HIVEP3: variants seen among roughly 807,000 people sequenced by gnomAD.
The protein encoded by HIVEP3 is transcription factor HIVEP3.
In HIVEP3, 49 loss-of-function variants were observed where a neutral mutation model predicts 152.8. The observed-to-expected ratio is 0.32, with a 90% CI of 0.26 to 0.41. The LOEUF is 0.41. Among genes scored for constraint, HIVEP3 ranks in the 10% least tolerant of loss-of-function variants. HIVEP3 has a pLI of 1.00. For missense variants in HIVEP3, 2,790 were observed against 3,103.3 expected (o/e 0.90, Z 2.40); for synonymous variants, 1,269 against 1,289.0 (o/e 0.98, Z 0.33).
intron 1 of HIVEP3, among the ~76,000 whole-genome samples, chr1:41,769,964 G>T (rs913080078): frequency 6.6e-5 from 10 of 152,076 alleles, no homozygotes; most frequent in African/African-American, 2.4e-4. Context: ...ATTGTTTTTT[G>T]TTTGTTTGTT....
intron 1 of HIVEP3, among the ~76,000 whole-genome samples, chr1:41,733,969 G>A (rs780538852): frequency 2.6e-5 from 4 of 151,226 alleles, no homozygotes; most frequent in Non-Finnish European, 5.9e-5. Flanking sequence ...CCCAGCACAA[G>A]CTCACAGTCC....
At chr1:41,609,406 A>C (rs1014500778) in intron 3 of HIVEP3, among the ~76,000 whole-genome samples, 1 of 152,220 alleles carries the variant, frequency 6.6e-6, no homozygotes, top group African/African-American at 2.4e-5. Flanking sequence ...CAATGACCCG[A>C]CTGCCTAAGG....
intron 3 of HIVEP3, among the ~76,000 whole-genome samples, chr1:41,617,466 G>A (rs144983216): frequency 7.9e-5 from 12 of 152,328 alleles, no homozygotes; most frequent in African/African-American, 2.2e-4. Context: ...AGGACAGCAA[G>A]TCTGTCTCTC....
chr1:41,844,527 G>A (rs1363469591), intron 1 of HIVEP3, among the ~76,000 whole-genome samples: 1 of 152,190 alleles, frequency 6.6e-6, no homozygotes, highest in African/African-American at 2.4e-5. Flanking sequence ...GGGTCACAGG[G>A]CTTGAAAACC....
intron 1 of HIVEP3, among the ~76,000 whole-genome samples, chr1:41,969,526 C>A (rs1359775874): frequency 6.6e-6 from 1 of 152,058 alleles, no homozygotes; most frequent in Admixed American, 6.6e-5. Flanking sequence ...TGAAACTGGA[C>A]CCACTCCTTA....
At position 41,513,223 on chromosome 1, in the gene HIVEP3, C is replaced by T. The variant is rs1642492543; in HGVS notation, c.5998G>A (p.Ala2000Thr). ...GGGGCTGAGGCCTGTGGTTCTCGGG[C>T]CGGGGAGCATCGCTGGGGAGATGAG... The part of the protein sequence containing the change: ...NDSSPQRCSP[A>T]REPQASAPSP... Residue 2000 changes from alanine (A) to threonine (T), a missense_variant, in exon 8 of 9, where the codon GCC becomes ACC. Around this residue, in one of 9 missense-constraint regions of HIVEP3, gnomAD observed 816 missense variants for 806.5 expected, o/e 1.01. Transcript: ENST00000372583. The T allele has an allele frequency of 1.1e-5, 17 of 1,613,468 alleles. No individual in the cohort carries two copies. Among genetic ancestry groups the T allele is most frequent in the Non-Finnish European group, 1.4e-5 (17 of 1,179,892 alleles).
At chr1:41,694,982 C>T (rs1298624486) in intron 2 of HIVEP3, among the ~76,000 whole-genome samples, 2 of 152,156 alleles carry the variant, frequency 1.3e-5, no homozygotes, top group Non-Finnish European at 2.9e-5. Context: ...GGGGCTGTGG[C>T]CCAGAGGGGA....
intron 1 of HIVEP3, among the ~76,000 whole-genome samples, chr1:42,008,920 T>A (rs960955658): frequency 5.9e-5 from 9 of 152,194 alleles, no homozygotes; most frequent in Non-Finnish European, 1.3e-4. Context: ...TTCCAGGAGT[T>A]CTGAATAAAA....
intron 2 of HIVEP3, among the ~76,000 whole-genome samples, chr1:41,637,193 C>T (rs905774925): frequency 1.2e-4 from 19 of 152,172 alleles, no homozygotes; most frequent in African/African-American, 4.3e-4. Context: ...CACACATGCA[C>T]ACATAGGGAT....
At chr1:41,856,418 A>G (rs1643767680) in intron 1 of HIVEP3, among the ~76,000 whole-genome samples, 4 of 152,322 alleles carry the variant, frequency 2.6e-5, no homozygotes, top group African/African-American at 7.2e-5. Flanking sequence ...GAACATCAGC[A>G]CGGTCTTGCT....
At chr1:41,632,358 G>A (rs1001437610) in intron 2 of HIVEP3, among the ~76,000 whole-genome samples, 8 of 152,192 alleles carry the variant, frequency 5.3e-5, no homozygotes, top group South Asian at 2.1e-4. Flanking sequence ...AGGGGAGCAC[G>A]GAGTAGGGGT....
At position 41,511,370 on chromosome 1, in the gene HIVEP3, G is replaced by T. The variant is rs111432218; in HGVS notation, c.6406-104C>A. The T allele has an allele frequency of 1.5e-5, 16 of 1,062,258 alleles. No homozygotes were observed. In the African/African-American group the frequency reaches 1.7e-4, roughly 12 times the overall value. The allele number at this position is 1,062,258 out of a possible 1,614,324, so 65.8% of individuals were successfully genotyped here. A position where few individuals can be genotyped will look rare whatever the true frequency, so the allele number is the denominator to read the frequency against. On this transcript the variant is annotated intron_variant, in intron 8 of 8. Transcript: ENST00000372583. This position sits in a 1 kb window ranked among gnomAD's most constrained non-coding sequence, Gnocchi z 4.9. The stretch of plus-strand genomic sequence containing the variant: ...GGGGACTCGCCCAAGATCACAGAGC[G>T]AGTCCAGGGTCCCGGCTGAGCTGAG...
intron 1 of HIVEP3, among the ~76,000 whole-genome samples, chr1:41,897,279 C>T (rs1350271246): frequency 6.6e-6 from 1 of 152,172 alleles, no homozygotes; most frequent in Non-Finnish European, 1.5e-5. Context: ...GAACAGACAT[C>T]ACCTGGGGCA....
At chr1:41,663,638 C>A (rs1645752068) in intron 2 of HIVEP3, among the ~76,000 whole-genome samples, 2 of 152,170 alleles carry the variant, frequency 1.3e-5, no homozygotes, top group African/African-American at 4.8e-5. Flanking sequence ...TCCTCCCAGA[C>A]CCCCAGCTTT....
At chr1:41,641,860 C>T (rs948271412) in intron 2 of HIVEP3, among the ~76,000 whole-genome samples, 1 of 152,208 alleles carries the variant, frequency 6.6e-6, no homozygotes, top group African/African-American at 2.4e-5. Flanking sequence ...AATTTAAGAG[C>T]ACAGGCTACT....
At chr1:41,779,679 T>G (rs1248462589) in intron 1 of HIVEP3, among the ~76,000 whole-genome samples, 1 of 152,198 alleles carries the variant, frequency 6.6e-6, no homozygotes, top group Non-Finnish European at 1.5e-5. Flanking sequence ...TATTTTTTAG[T>G]AGAGATAGGG....
chr1:41,934,262 G>A (rs567538344), intron 1 of HIVEP3, among the ~76,000 whole-genome samples: 7 of 152,176 alleles, frequency 4.6e-5, no homozygotes, highest in South Asian at 2.1e-4. Context: ...GGCTTTGCCC[G>A]CTTCTACTAG....
intron 5 of HIVEP3, among the ~76,000 whole-genome samples, chr1:41,560,642 C>T (rs1305842896): frequency 6.6e-6 from 1 of 152,206 alleles, no homozygotes; most frequent in Admixed American, 6.5e-5. Flanking sequence ...GGACTTCACC[C>T]CGTGGACTGC....
At chr1:41,801,057 G>T (rs1428773934) in intron 1 of HIVEP3, among the ~76,000 whole-genome samples, 2 of 152,118 alleles carry the variant, frequency 1.3e-5, no homozygotes, top group Non-Finnish European at 2.9e-5. Flanking sequence ...AGTCACAAAG[G>T]ACTTAAAAGC....
Sources: allele counts gnomAD v4.1 joint callset (sites outside exome capture counted in the v4.1 genomes callset), GRCh38; gene constraint gnomAD v4.1.1; regional missense constraint gnomAD v4.1.1; non-coding constraint Gnocchi (gnomAD v3.1); transcripts MANE v1.5; gene names NCBI Gene and HGNC (gene_info 2026-07-23, HGNC 2026-07-21).